Variants in LRRC7 observed in about 807,000 individuals in gnomAD.
The protein encoded by LRRC7 is leucine rich repeat containing 7.
LRRC7 carries 23 observed loss-of-function variants against 175.7 expected under a neutral mutation model. That is an observed-to-expected ratio of 0.13 (90% CI 0.09 to 0.19). LRRC7 has a LOEUF of 0.19. Ranked by LOEUF, LRRC7 falls within the 10% of genes least tolerant of loss-of-function variation. The pLI is 1.00. For missense variants in LRRC7, 1,354 were observed against 1,904.7 expected (o/e 0.71, Z 5.38); for synonymous variants, 685 against 680.9 (o/e 1.01, Z -0.09).
chr1:69,806,876 C>A (rs1264011909), intron 4 of LRRC7, among the ~76,000 whole-genome samples: 1 of 151,922 alleles, frequency 6.6e-6, no homozygotes, highest in Non-Finnish European at 1.5e-5. Context: ...TAAATGATAC[C>A]ATCAGCTATA....
intron 11 of LRRC7, among the ~76,000 whole-genome samples, chr1:70,011,055 T>C (rs1343944144): frequency 6.6e-6 from 1 of 152,242 alleles, no homozygotes; most frequent in Admixed American, 6.5e-5. Context: ...TGGATCATTA[T>C]GTAAAATTTT....
intron 13 of LRRC7, chr1:70,014,280 T>A (rs1656782396): frequency 6.6e-6 from 1 of 152,030 alleles, no homozygotes; most frequent in Non-Finnish European, 1.5e-5. Flanking sequence ...ATTCATCGTA[T>A]GCAAAATATA....
At chr1:69,878,184 C>T (rs1686215355) in intron 7 of LRRC7, among the ~76,000 whole-genome samples, 1 of 150,764 alleles carries the variant, frequency 6.6e-6, no homozygotes, top group African/African-American at 2.4e-5. Flanking sequence ...TCCTGTTTGT[C>T]GTTACTACTA....
intron 7 of LRRC7, among the ~76,000 whole-genome samples, chr1:69,844,439 G>A (rs1163432310): frequency 2.6e-5 from 4 of 152,100 alleles, no homozygotes; most frequent in Non-Finnish European, 4.4e-5. Flanking sequence ...TAAGTGGAAC[G>A]TGCAGTATTT....
At chr1:70,109,489 T>C (rs1293346608) in intron 26 of LRRC7, among the ~76,000 whole-genome samples, 4 of 152,160 alleles carry the variant, frequency 2.6e-5, no homozygotes, top group Non-Finnish European at 5.9e-5. Flanking sequence ...AAGATGTAAA[T>C]AGCAGTTGGT....
chr1:69,752,959 C>T (rs1670000452), intron 2 of LRRC7, among the ~76,000 whole-genome samples: 1 of 152,086 alleles, frequency 6.6e-6, no homozygotes, highest in African/African-American at 2.4e-5. Flanking sequence ...TGTGTGCAGA[C>T]ATGTGGTAAC....
chr1:70,131,377 C>G lies in LRRC7; in HGVS notation c.*9490C>G, dbSNP rs1459289556. Among the ~76,000 whole-genome samples the G allele has an allele frequency of 6.6e-6, 1 of 152,176 alleles. No individual in the cohort carries two copies. Among genetic ancestry groups the G allele is most frequent in the East Asian group, 1.9e-4 (1 of 5,196 alleles). ...CTCCTAACCACAATCCCTTTATTAC[C>G]TCATGGGACCTTAATTTCCTTTCAA... On this transcript the variant is annotated 3_prime_UTR_variant, in exon 27 of 27. Transcript: ENST00000651989.
At chr1:69,783,443 G>A (rs774602189) in intron 3 of LRRC7, among the ~76,000 whole-genome samples, 1 of 152,062 alleles carries the variant, frequency 6.6e-6, no homozygotes, top group Non-Finnish European at 1.5e-5. Flanking sequence ...AACCAGTGGA[G>A]AAATAATGAA....
chr1:69,873,328 A>G, intron 7 of LRRC7: 1 of 418,230 alleles, frequency 2.4e-6, no homozygotes, highest in Non-Finnish European at 5.1e-6. Flanking sequence ...ATTACTTAAA[A>G]CCTATTTCTA....
chr1:69,852,658 G>C (rs530689370), intron 7 of LRRC7, among the ~76,000 whole-genome samples: 3 of 151,898 alleles, frequency 2.0e-5, no homozygotes, highest in African/African-American at 7.3e-5. Context: ...GACACTTTTC[G>C]GTTATATGTG....
intron 4 of LRRC7, among the ~76,000 whole-genome samples, chr1:69,798,507 T>TA (rs2101085696): frequency 6.6e-6 from 1 of 152,290 alleles, no homozygotes; most frequent in South Asian, 2.1e-4. Flanking sequence ...GCTTGATAGC[T>TA]ACATTAAAAT....
chr1:69,654,255 A>G (rs1656285625), intron 1 of LRRC7, among the ~76,000 whole-genome samples: 1 of 152,052 alleles, frequency 6.6e-6, no homozygotes, highest in South Asian at 2.1e-4. Context: ...AAATATCAAA[A>G]AAGGGGAAAC....
At chr1:69,927,305 G>A (rs1334614184) in intron 7 of LRRC7, among the ~76,000 whole-genome samples, 2 of 152,132 alleles carry the variant, frequency 1.3e-5, no homozygotes, top group Non-Finnish European at 2.9e-5. Flanking sequence ...CTCTTCTTGG[G>A]GAGTATCTTT....
At chr1:70,048,373 G>A (rs1262095013) in intron 22 of LRRC7, among the ~76,000 whole-genome samples, 1 of 152,048 alleles carries the variant, frequency 6.6e-6, no homozygotes, top group Non-Finnish European at 1.5e-5. Flanking sequence ...AGGCTCATGT[G>A]TTACACCAAA....
At chr1:69,975,638 GCTGATGTATA>G (rs1652737875) in intron 8 of LRRC7, among the ~76,000 whole-genome samples, 1 of 152,058 alleles carries the variant, frequency 6.6e-6, no homozygotes, top group African/African-American at 2.4e-5. Context: ...CTCCCCAACT[GCTGATGTATA>G]CAAAATTCTT....
At chr1:69,653,291 T>C (rs59333564) in intron 1 of LRRC7, among the ~76,000 whole-genome samples, 1 of 151,606 alleles carries the variant, frequency 6.6e-6, no homozygotes, top group Non-Finnish European at 1.5e-5. Flanking sequence ...AACTTTTTTT[T>C]AATTTTTTTA....
intron 7 of LRRC7, among the ~76,000 whole-genome samples, chr1:69,916,099 T>TCA (rs1646686686): frequency 4.1e-5 from 1 of 24,406 alleles, no homozygotes; most frequent in Non-Finnish European, 8.1e-5. Flanking sequence ...TATACATATT[T>TCA]TATATATAAT....
chr1:70,036,920 A>G (rs1179136624), intron 20 of LRRC7, among the ~76,000 whole-genome samples: 1 of 152,216 alleles, frequency 6.6e-6, no homozygotes, highest in Non-Finnish European at 1.5e-5. Context: ...TTGATGAGAC[A>G]TGGATGTTTT....
In LRRC7 at chr1:69,986,268, A is replaced by G; in HGVS notation, c.813A>G (p.Val271=). The stretch of plus-strand genomic sequence containing the variant: ...CTATAGGGAAGTTAAAGATGTTGGT[A>G]TACCTGGATATGTCAAAAAACAGAA... ...PGSIGKLKML[V]YLDMSKNRIE... The change falls in exon 10 of 27, where the codon GTA becomes GTG. Residue 271 remains valine (V), a synonymous_variant. Coordinates refer to ENST00000651989, the MANE Select transcript of LRRC7 (RefSeq NM_001370785.2). 2 of 1,613,456 alleles carry G rather than the reference A, an allele frequency of 1.2e-6. No homozygotes were observed. Among genetic ancestry groups the G allele is most frequent in the Non-Finnish European group, 1.7e-6 (2 of 1,179,604 alleles).
Sources: gnomAD v4.1 joint callset for allele counts (sites outside exome capture counted in the v4.1 genomes callset) on GRCh38, gnomAD v4.1.1 for gene constraint, MANE v1.5 for transcripts, NCBI Gene and HGNC (gene_info 2026-07-23, HGNC 2026-07-21) for gene names.